The following KIF1A variants were observed in gnomAD, a reference collection of about 807,000 sequenced individuals.
KIF1A encodes kinesin family member 1A.
KIF1A carries 46 observed loss-of-function variants against 227.3 expected under a neutral mutation model. The observed-to-expected ratio is 0.20, with a 90% CI of 0.16 to 0.26. The LOEUF is 0.26. Ranked by LOEUF, KIF1A falls within the 10% of genes least tolerant of loss-of-function variation. The pLI is 1.00. For missense variants in KIF1A, 1,683 were observed against 2,485.9 expected (o/e 0.68, Z 6.87); for synonymous variants, 1,022 against 1,012.8 (o/e 1.01, Z -0.17).
At chr2:240,764,148 C>T (rs1489624189) in intron 20 of KIF1A, among the ~76,000 whole-genome samples, 1 of 152,290 alleles carries the variant, frequency 6.6e-6, no homozygotes, top group African/African-American at 2.4e-5. Context: ...GCCCTGCCTC[C>T]CACCCAGGTG....
chr2:240,719,910 A>G lies in KIF1A; in HGVS notation c.4885T>C (p.Ser1629Pro). ...TCGGGCTCTGGGCTGGCTGGCCGGG[A>G]GCAGGGCTGCGGGGTCCTGGGAAGC... ...ATDLRTPQPCSRPASPEPELL... is the reference protein window; with the variant it reads ...ATDLRTPQPCPRPASPEPELL... Residue 1629 changes from serine (S) to proline (P), a missense_variant, in exon 46 of 49, where the codon TCC becomes CCC. Coordinates refer to ENST00000498729, the MANE Select transcript of KIF1A (RefSeq NM_001244008.2). 1.2e-6 allele frequency: 2 copies of G among 1,610,268 alleles called. No individual in the cohort carries two copies. The highest frequency in any genetic ancestry group is 1.7e-6 in the Non-Finnish European group (2 of 1,179,104).
Position 240,725,356 on chromosome 2 carries a change from C to T in KIF1A, c.4171G>A (p.Val1391Ile), listed in dbSNP as rs373900978. Residue 1391 changes from valine (V) to isoleucine (I), a missense_variant, in exon 40 of 49, where the codon GTC becomes ATC. Val to Ile is a conservative substitution (Grantham distance 29). Coordinates refer to ENST00000498729, the MANE Select transcript of KIF1A (RefSeq NM_001244008.2). This position sits in a 1 kb window ranked among gnomAD's most constrained non-coding sequence, Gnocchi z 5.8. ...PAVVTKDFCM[V>I]FYSRDAKLPA... ...AGCTTGGCATCACGGGAATAGAAGA[C>T]CATGCAGAAGTCCTTGGTGACAACA... 3.7e-6 allele frequency: 6 copies of T among 1,612,242 alleles called. No homozygotes were observed. Among genetic ancestry groups the T allele is most frequent in the African/African-American group, 1.3e-5 (1 of 75,052 alleles).
chr2:240,720,610 T>G, intron 45 of KIF1A: 1 of 241,818 alleles, frequency 4.1e-6, no homozygotes, highest in Non-Finnish European at 8.1e-6. Flanking sequence ...CGTAACCTTT[T>G]CTTTTTCCAT....
At chr2:240,772,860 C>A (rs1198571558) in intron 13 of KIF1A, among the ~76,000 whole-genome samples, 4 of 152,232 alleles carry the variant, frequency 2.6e-5, no homozygotes, top group Admixed American at 1.3e-4. Context: ...TGGTACCATC[C>A]AGGCCAAGGC....
chr2:240,746,807 G>GGCAGCCT (rs1246855534), intron 29 of KIF1A, among the ~76,000 whole-genome samples: 1 of 152,234 alleles, frequency 6.6e-6, no homozygotes, highest in Non-Finnish European at 1.5e-5. Flanking sequence ...CATGAGGACC[G>GGCAGCCT]CAGGTAGGCA....
In KIF1A at chr2:240,766,743, T is replaced by TCACACACACACACA. The variant is rs780626531; in HGVS notation, c.1684+171_1684+172insTGTGTGTGTGTGTG. Among the ~76,000 whole-genome samples, 74 of 125,582 alleles carry TCACACACACACACA rather than the reference T, an allele frequency of 5.9e-4. 2 individuals are homozygous for TCACACACACACACA. Among genetic ancestry groups the TCACACACACACACA allele is most frequent in the East Asian group, 4.6e-3 (16 of 3,514 alleles). The allele number at this position is 125,582 out of a possible 152,430, so 82.4% of individuals were successfully genotyped here. ...CCAAATCTCTCTCTCTCTCTCTCTC[T>TCACACACACACACA]CTCTCTCACACACACACACACACAC... On this transcript the variant is annotated intron_variant, in intron 19 of 48. Coordinates refer to ENST00000498729, the MANE Select transcript of KIF1A (RefSeq NM_001244008.2). The surrounding 1 kb of genome is among the most constrained non-coding windows in gnomAD (Gnocchi z 5.0).
intron 28 of KIF1A, among the ~76,000 whole-genome samples, chr2:240,749,989 G>T (rs569893337): frequency 3.7e-4 from 56 of 152,344 alleles, no homozygotes; most frequent in Non-Finnish European, 6.3e-4. Flanking sequence ...CAGCCGGGTG[G>T]GTGGAATGTG....
In KIF1A at chr2:240,746,137, G is replaced by C; in HGVS notation, c.3104C>G (p.Ser1035Trp). The C allele has an allele frequency of 3.2e-6, 5 of 1,569,896 alleles. No homozygotes were observed. The highest frequency in any genetic ancestry group is 4.3e-6 in the Non-Finnish European group (5 of 1,158,068). Residue 1035 changes from serine (S) to tryptophan (W), a missense_variant, in exon 30 of 49, where the codon TCG (serine) becomes TGG (tryptophan). Physicochemically the swap from Ser to Trp is radical, Grantham distance 177. This residue lies in a region of KIF1A where 759 missense variants were observed against 1,020.2 expected (regional missense o/e 0.74). Coordinates refer to ENST00000498729, the MANE Select transcript of KIF1A (RefSeq NM_001244008.2). The part of the protein sequence containing the change: ...ESCPVVGMSR[S>W]GTSQEELRIV... The stretch of plus-strand genomic sequence containing the variant: ...GCGAAGCTCTTCCTGGGAGGTTCCC[G>C]AGCGGGACATCCCCACCACGGGGCA...
chr2:240,726,705 C>A lies in KIF1A; in HGVS notation c.4122+121G>T. 1 of 495,022 alleles carries A rather than the reference C, an allele frequency of 2.0e-6. No individual in the cohort carries two copies. The allele number at this position is 495,022 out of a possible 1,614,324, so 30.7% of individuals were successfully genotyped here. On this transcript the variant is annotated intron_variant, in intron 39 of 48. Transcript: ENST00000498729. The surrounding 1 kb of genome is among the most constrained non-coding windows in gnomAD (Gnocchi z 5.2). ...TTTTTTAAAAGGCACACAAATTTAA[C>A]CCAGGGACTTGAGAACTAGAGAAGT...
intron 38 of KIF1A, among the ~76,000 whole-genome samples, chr2:240,731,998 AG>A (rs1453675695): frequency 2.3e-5 from 2 of 88,502 alleles, no homozygotes; most frequent in African/African-American, 8.8e-5. Flanking sequence ...TGAGGGGAGG[AG>A]GGGATGACGG....
chr2:240,737,106 T>C lies in KIF1A; in HGVS notation c.3964A>G (p.Asn1322Asp), dbSNP rs762646983. The change falls in exon 38 of 49, where the codon AAC becomes GAC. Residue 1322 changes from asparagine (N) to aspartate (D), a missense_variant. Coordinates refer to ENST00000498729, the MANE Select transcript of KIF1A (RefSeq NM_001244008.2). Reference protein sequence around the residue: ...SLIDPNILSLNILSSGYIHPA... With the variant: ...SLIDPNILSLDILSSGYIHPA... ...TGGATGTATCCGGAAGAGAGGATGT[T>C]GAGAGACAAGATGTTGGGGTCGATC... 1 of 1,613,712 alleles carries C rather than the reference T, an allele frequency of 6.2e-7. No individual in the cohort carries two copies. The highest frequency in any genetic ancestry group is 1.7e-5 in the Admixed American group (1 of 60,022).
intron 45 of KIF1A, 95 bp downstream of exon 45, chr2:240,720,819 C>A: frequency 2.1e-6 from 3 of 1,406,752 alleles, no homozygotes; most frequent in East Asian, 2.6e-5. Context: ...GCCATTGGGG[C>A]CCCCTGTTCT....
At chr2:240,785,845 T>C (rs943896847) in intron 6 of KIF1A, among the ~76,000 whole-genome samples, 3 of 152,034 alleles carry the variant, frequency 2.0e-5, no homozygotes, top group Non-Finnish European at 4.4e-5. Context: ...CCTCAGGAAG[T>C]CCCGGGTGGC....
intron 1 of KIF1A, among the ~76,000 whole-genome samples, chr2:240,805,248 C>T (rs1362761242): frequency 1.3e-5 from 2 of 152,012 alleles, no homozygotes; most frequent in Non-Finnish European, 2.9e-5. Context: ...TTGTGAAATA[C>T]AGATTATAAA....
chr2:240,751,821 G>A (rs943588290), intron 27 of KIF1A, among the ~76,000 whole-genome samples: 1 of 151,920 alleles, frequency 6.6e-6, no homozygotes, highest in African/African-American at 2.4e-5. Flanking sequence ...GGATGCCCCG[G>A]GTGTCTCTGT....
At chr2:240,770,694 T>C (rs2051840582) in intron 15 of KIF1A, among the ~76,000 whole-genome samples, 1 of 152,188 alleles carries the variant, frequency 6.6e-6, no homozygotes, top group East Asian at 1.9e-4. Flanking sequence ...GACACCCAGG[T>C]CTAGGGTCCT....
chr2:240,820,895 C>T (rs2058668073), upstream of KIF1A, among the ~76,000 whole-genome samples: 1 of 152,040 alleles, frequency 6.6e-6, no homozygotes, highest in Non-Finnish European at 1.5e-5. The surrounding 1 kb of genome is among the most constrained non-coding windows in gnomAD (Gnocchi z 6.2). Flanking sequence ...CCCCACCTCT[C>T]CAGGCCCCCA....
chr2:240,789,417 C>A lies in KIF1A; in HGVS notation c.107-105G>T. The A allele has an allele frequency of 1.1e-6, 1 of 913,318 alleles. No individual in the cohort carries two copies. Among genetic ancestry groups the A allele is most frequent in the Non-Finnish European group, 1.8e-6 (1 of 565,806 alleles). 56.6% of individuals were successfully genotyped at this position (913,318 alleles called of 1,614,324 possible). A position where few individuals can be genotyped will look rare whatever the true frequency, so the allele number is the denominator to read the frequency against. On this transcript the variant is annotated intron_variant, in intron 2 of 48. Transcript: ENST00000498729. The surrounding 1 kb of genome is among the most constrained non-coding windows in gnomAD (Gnocchi z 4.8). ...GATGGTCTTAAGAGGCCTCGGGCCCCAGACAAGCCAGGCCCCCAAATTGGA... is the reference window on the plus strand; with the variant it reads ...GATGGTCTTAAGAGGCCTCGGGCCCAAGACAAGCCAGGCCCCCAAATTGGA...
chr2:240,821,183 T>C (rs796599824), upstream of KIF1A, among the ~76,000 whole-genome samples: 6 of 152,324 alleles, frequency 3.9e-5, 2 homozygotes, highest in African/African-American at 1.4e-4. Flanking sequence ...ACCCCGGGGC[T>C]GGGTCCCCTC....
Sources: allele counts gnomAD v4.1 joint callset (sites outside exome capture counted in the v4.1 genomes callset), GRCh38; gene constraint gnomAD v4.1.1; regional missense constraint gnomAD v4.1.1; non-coding constraint Gnocchi (gnomAD v3.1); transcripts MANE v1.5; gene names NCBI Gene and HGNC (gene_info 2026-07-23, HGNC 2026-07-21).